RGS21: variants seen among roughly 807,000 people sequenced by gnomAD.
RGS21 encodes regulator of G protein signaling 21, also known as regulator of G-protein signalling 21.
In RGS21, 19 loss-of-function variants were observed where a neutral mutation model predicts 18.7. The observed-to-expected ratio is 1.01, with a 90% CI of 0.71 to 1.49. RGS21 has a LOEUF of 1.49. Among genes scored for constraint, RGS21 ranks in the 40% most tolerant of loss-of-function variants. The pLI, the probability that RGS21 is intolerant of heterozygous loss-of-function variation, is 0.00. For missense variants in RGS21, 194 were observed against 176.8 expected (o/e 1.10, Z -0.55); for synonymous variants, 56 against 57.8 (o/e 0.97, Z 0.14).
intron 1 of RGS21, among the ~76,000 whole-genome samples, chr1:192,317,703 A>G (rs1231071823): frequency 6.6e-6 from 1 of 151,976 alleles, no homozygotes; most frequent in Non-Finnish European, 1.5e-5. Flanking sequence ...GATAGGATAA[A>G]AGCACTACTT....
intron 4 of RGS21, among the ~76,000 whole-genome samples, chr1:192,361,577 G>T (rs958987898): frequency 6.6e-6 from 1 of 151,892 alleles, no homozygotes; most frequent in Non-Finnish European, 1.5e-5. Context: ...ACGGAGTCTC[G>T]CTCTGTCGCC....
chr1:192,324,518 T>C (rs182145355), intron 1 of RGS21, among the ~76,000 whole-genome samples: 324 of 152,088 alleles, frequency 2.1e-3, no homozygotes, highest in Non-Finnish European at 3.9e-3. Context: ...GAATTTCACA[T>C]TGGAAAAAAC....
chr1:192,330,931 G>A (rs778933041), intron 1 of RGS21, among the ~76,000 whole-genome samples: 3 of 152,202 alleles, frequency 2.0e-5, no homozygotes, highest in Non-Finnish European at 2.9e-5. Context: ...GGGTAACCAT[G>A]TGTATCTGTG....
At chr1:192,320,449 A>T (rs1244014493) in intron 1 of RGS21, among the ~76,000 whole-genome samples, 3 of 151,610 alleles carry the variant, frequency 2.0e-5, no homozygotes, top group Non-Finnish European at 4.4e-5. Flanking sequence ...CATACAGTAG[A>T]AACTCAATAA....
At position 192,365,984 on chromosome 1, in the gene RGS21, T is replaced by C. The variant is rs1216119187; in HGVS notation, c.319T>C (p.Cys107Arg). 1 of 1,610,392 alleles carries C rather than the reference T, an allele frequency of 6.2e-7. No homozygotes were observed. The highest frequency in any genetic ancestry group is 2.2e-5 in the East Asian group (1 of 44,720). Reference protein sequence around the residue: ...SKNIAEPTLKCFDEAQKLIYC... With the variant: ...SKNIAEPTLKRFDEAQKLIYC... ...GAATATTGCTGAACCAACACTCAAA[T>C]GCTTTGATGAGGCTCAGAAATTAAT... The change falls in exon 5 of 5, where the codon TGC becomes CGC. Residue 107 changes from cysteine (C) to arginine (R), a missense_variant. Cys to Arg is a radical substitution (Grantham distance 180, BLOSUM62 -3). Coordinates refer to ENST00000417209, the MANE Select transcript of RGS21 (RefSeq NM_001039152.3).
At chr1:192,348,619 C>T (rs968018849) in intron 3 of RGS21, among the ~76,000 whole-genome samples, 31 of 152,032 alleles carry the variant, frequency 2.0e-4, no homozygotes, top group African/African-American at 7.5e-4. Flanking sequence ...ACATCCTAGT[C>T]TTTAATAAAA....
chr1:192,358,256 A>G (rs890544413), intron 4 of RGS21, among the ~76,000 whole-genome samples: 24 of 151,946 alleles, frequency 1.6e-4, no homozygotes, highest in Admixed American at 3.3e-4. Flanking sequence ...CTCTTTCCCA[A>G]TTTAAGGTGT....
At chr1:192,352,014 A>T in intron 3 of RGS21, 33 bp from the exon 4 acceptor site, 1 of 1,378,482 alleles carries the variant, frequency 7.3e-7, no homozygotes. Flanking sequence ...TCTGTATGCT[A>T]TTATACAAAA....
At chr1:192,362,599 C>T (rs915045087) in intron 4 of RGS21, among the ~76,000 whole-genome samples, 4 of 152,112 alleles carry the variant, frequency 2.6e-5, no homozygotes, top group African/African-American at 9.7e-5. Context: ...AGCTGAATTG[C>T]CAAGACACAG....
intron 1 of RGS21, among the ~76,000 whole-genome samples, chr1:192,335,528 GGA>G (rs1385135605): frequency 1.3e-5 from 2 of 152,036 alleles, no homozygotes; most frequent in Non-Finnish European, 2.9e-5. Context: ...AATACTCACT[GGA>G]CATTCATATA....
At chr1:192,346,924 G>T (rs1658950148) in intron 2 of RGS21, among the ~76,000 whole-genome samples, 1 of 152,048 alleles carries the variant, frequency 6.6e-6, no homozygotes, top group African/African-American at 2.4e-5. Context: ...TAAAAATTTA[G>T]AAAATAGTTT....
chr1:192,331,030 G>A (rs746113674), intron 1 of RGS21, among the ~76,000 whole-genome samples: 9 of 152,080 alleles, frequency 5.9e-5, no homozygotes, highest in Non-Finnish European at 1.0e-4. Flanking sequence ...TGTGTATGTG[G>A]TAGTAACTGA....
chr1:192,359,586 G>C (rs1161449513), intron 4 of RGS21, among the ~76,000 whole-genome samples: 2 of 150,608 alleles, frequency 1.3e-5, no homozygotes, highest in Admixed American at 1.3e-4. Flanking sequence ...ATGTCCCAAG[G>C]AGTGACTCTA....
At chr1:192,347,175 A>G (rs1658958549) in intron 2 of RGS21, 138 bp from the exon 3 acceptor site, 2 of 596,022 alleles carry the variant, frequency 3.4e-6, no homozygotes, top group Non-Finnish European at 6.2e-6. Context: ...TGTAAATAGC[A>G]TTGTATAATT....
chr1:192,326,216 G>C (rs1226922080), intron 1 of RGS21, among the ~76,000 whole-genome samples: 2 of 151,908 alleles, frequency 1.3e-5, no homozygotes, highest in African/African-American at 4.8e-5. Flanking sequence ...TTCTTTTTAT[G>C]TTATACCACT....
intron 1 of RGS21, among the ~76,000 whole-genome samples, chr1:192,334,844 TC>T (rs1658741654): frequency 6.6e-6 from 1 of 152,090 alleles, no homozygotes. Context: ...TTCTTTCCCT[TC>T]CCCCAACAAG....
At chr1:192,363,823 C>T (rs1659219525) in intron 4 of RGS21, among the ~76,000 whole-genome samples, 1 of 152,106 alleles carries the variant, frequency 6.6e-6, no homozygotes, top group African/African-American at 2.4e-5. Flanking sequence ...ATTAGGGACT[C>T]TGTGTTTATT....
chr1:192,328,089 A>G (rs1193607742), intron 1 of RGS21, among the ~76,000 whole-genome samples: 1 of 152,144 alleles, frequency 6.6e-6, no homozygotes, highest in Non-Finnish European at 1.5e-5. Flanking sequence ...CAAAATGAAT[A>G]CCATATTCTC....
At chr1:192,354,884 T>C (rs917773387) in intron 4 of RGS21, among the ~76,000 whole-genome samples, 1 of 151,746 alleles carries the variant, frequency 6.6e-6, no homozygotes, top group Non-Finnish European at 1.5e-5. Flanking sequence ...AATTGGACAA[T>C]TTACAATTAA....
Sources: gnomAD v4.1 joint callset for allele counts (sites outside exome capture counted in the v4.1 genomes callset) on GRCh38, gnomAD v4.1.1 for gene constraint, MANE v1.5 for transcripts, NCBI Gene and HGNC (gene_info 2026-07-23, HGNC 2026-07-21) for gene names.